The following SOX9 variants were observed in gnomAD, a reference collection of about 807,000 sequenced individuals.
SOX9 encodes transcription factor SOX-9.
Under a neutral mutation model 44.8 loss-of-function variants are expected in SOX9, and 2 were observed. The observed-to-expected ratio is 0.04, with a 90% CI of 0.02 to 0.14. SOX9 has a LOEUF of 0.14. Ranked by LOEUF, SOX9 falls within the 10% of genes least tolerant of loss-of-function variation. The pLI, the probability that SOX9 is intolerant of heterozygous loss-of-function variation, is 1.00. For synonymous variants in SOX9, 381 were observed against 331.8 expected (o/e 1.15, Z -1.61); for missense variants, 583 against 728.6 (o/e 0.80, Z 2.30).
intron 1 of SOX9, 142 bp from the exon 2 acceptor site, chr17:72,122,577 G>A (rs1908133146): frequency 1.4e-6 from 1 of 699,192 alleles, no homozygotes; most frequent in East Asian, 2.7e-5. Flanking sequence ...TGTGGTTGCA[G>A]GCAGGAGGGA....
chr17:72,125,013 A>G lies in SOX9; in HGVS notation c.*626A>G, dbSNP rs1055847429. 4.9e-5 allele frequency: 11 copies of G among 226,602 alleles called. No homozygotes were observed. The highest frequency in any genetic ancestry group is 8.8e-5 in the Non-Finnish European group (10 of 113,576). 14.0% of individuals were successfully genotyped at this position (226,602 alleles called of 1,614,324 possible). The stretch of plus-strand genomic sequence containing the variant: ...TTGCTTTCTCTTACAAAAAGAAAAA[A>G]AAAATCCTGTTGTATTAACATTTAA... On this transcript the variant is annotated 3_prime_UTR_variant, in exon 3 of 3. Transcript: ENST00000245479.
intron 1 of SOX9, among the ~76,000 whole-genome samples, chr17:72,122,505 G>T (rs1158006311): frequency 2.0e-5 from 3 of 151,694 alleles, no homozygotes; most frequent in Non-Finnish European, 4.4e-5. Context: ...GGCGGGGAGT[G>T]ACCGCTCAGG....
At position 72,121,715 on chromosome 17, in the gene SOX9, C is replaced by T. The variant is rs2143239936; in HGVS notation, c.324C>T (p.Pro108=). 1 of 1,605,780 alleles carries T rather than the reference C, an allele frequency of 6.2e-7. No individual in the cohort carries two copies. The highest frequency in any genetic ancestry group is 1.1e-5 in the South Asian group (1 of 89,672). Residue 108 remains proline (P), a synonymous_variant, in exon 1 of 3, where the codon CCC becomes CCT. Coordinates refer to ENST00000245479, the MANE Select transcript of SOX9 (RefSeq NM_000346.4). The surrounding 1 kb of genome is among the most constrained non-coding windows in gnomAD (Gnocchi z 8.3). ...AGAACAAGCCGCACGTCAAGCGGCCCATGAACGCCTTCATGGTGTGGGCGC... is the reference window on the plus strand; with the variant it reads ...AGAACAAGCCGCACGTCAAGCGGCCTATGAACGCCTTCATGGTGTGGGCGC... ...SSKNKPHVKR[P]MNAFMVWAQA... is the part of the protein sequence containing the mutation.
In SOX9 at chr17:72,124,489, GT is replaced by G. The variant is rs1440076532; in HGVS notation, c.*109del. 4 of 1,432,888 alleles carry G rather than the reference GT, an allele frequency of 2.8e-6. No homozygotes were observed. The highest frequency in any genetic ancestry group is 1.4e-5 in the African/African-American group (1 of 71,548). 88.8% of individuals were successfully genotyped at this position (1,432,888 alleles called of 1,614,324 possible). A position where few individuals can be genotyped will look rare whatever the true frequency, so the allele number is the denominator to read the frequency against. Reference sequence around the variant, plus strand: ...TCCCTTTGGACATTTGTGTTTTTTTGTTTTTTTATTTTGTTTTGTTTTTTCT... The same window carrying G: ...TCCCTTTGGACATTTGTGTTTTTTTGTTTTTTATTTTGTTTTGTTTTTTCT... On this transcript the variant is annotated 3_prime_UTR_variant, in exon 3 of 3. Transcript: ENST00000245479. The surrounding 1 kb of genome is among the most constrained non-coding windows in gnomAD (Gnocchi z 4.6).
At position 72,124,721 on chromosome 17, in the gene SOX9, C is replaced by T. The variant is rs533607724; in HGVS notation, c.*334C>T. ...GCAAGCGTGGAGGATGATGGAGAATCGTGTGATCAGTGTGCTAAATCTCTC... is the reference window on the plus strand; with the variant it reads ...GCAAGCGTGGAGGATGATGGAGAATTGTGTGATCAGTGTGCTAAATCTCTC... On this transcript the variant is annotated 3_prime_UTR_variant, in exon 3 of 3. Transcript: ENST00000245479. The surrounding 1 kb of genome is among the most constrained non-coding windows in gnomAD (Gnocchi z 4.6). 6.3e-6 allele frequency: 3 copies of T among 474,870 alleles called. No homozygotes were observed. Among genetic ancestry groups the T allele is most frequent in the African/African-American group, 1.9e-5 (1 of 52,034 alleles). 29.4% of individuals were successfully genotyped at this position (474,870 alleles called of 1,614,324 possible).
In SOX9 at chr17:72,123,897, AGCAGCCCCC is replaced by A; in HGVS notation, c.1041_1049del (p.Pro349_Gln351del). ...CAGCAGGCGCCGCCGCCACCCCCGC[AGCAGCCCCC>A]ACAGGCCCCGCCGGCCCCGCAGGCG... is the stretch of plus-strand genomic sequence containing the variant. On this transcript the variant is annotated inframe_deletion, in exon 3 of 3. Coordinates refer to ENST00000245479, the MANE Select transcript of SOX9 (RefSeq NM_000346.4). This position sits in a 1 kb window ranked among gnomAD's most constrained non-coding sequence, Gnocchi z 6.5. The A allele has an allele frequency of 6.8e-7, 1 of 1,462,352 alleles. No homozygotes were observed. Among genetic ancestry groups the A allele is most frequent in the Non-Finnish European group, 9.0e-7 (1 of 1,109,700 alleles). The allele number at this position is 1,462,352 out of a possible 1,614,324, so 90.6% of individuals were successfully genotyped here.
rs1308114657 is a variant in SOX9 at position 72,121,101 on chromosome 17, C to A, written c.-291C>A. On this transcript the variant is annotated 5_prime_UTR_variant, in exon 1 of 3. Transcript: ENST00000245479. This position sits in a 1 kb window ranked among gnomAD's most constrained non-coding sequence, Gnocchi z 8.3. Reference sequence around the variant, plus strand: ...GCCAGTTTCAACCCCGGAAACTTTTCTTTGCAGGAGGAGAAGAGAAGGGGT... The same window carrying A: ...GCCAGTTTCAACCCCGGAAACTTTTATTTGCAGGAGGAGAAGAGAAGGGGT... The A allele has an allele frequency of 1.8e-6, 1 of 545,162 alleles. No individual in the cohort carries two copies. The highest frequency in any genetic ancestry group is 2.0e-5 in the African/African-American group (1 of 49,598). 33.8% of individuals were successfully genotyped at this position (545,162 alleles called of 1,614,324 possible).
rs1207975420 is a variant in SOX9, at chr17:72,123,165, C to A, written c.685+193C>A. Among the ~76,000 whole-genome samples, 1 of 152,246 alleles carries A rather than the reference C, an allele frequency of 6.6e-6. No homozygotes were observed. Among genetic ancestry groups the A allele is most frequent in the East Asian group, 1.9e-4 (1 of 5,198 alleles). On this transcript the variant is annotated intron_variant, in intron 2 of 2. Transcript: ENST00000245479. The surrounding 1 kb of genome is among the most constrained non-coding windows in gnomAD (Gnocchi z 6.5). The stretch of plus-strand genomic sequence containing the variant: ...CAAACAACACACACACAAACACACA[C>A]ACCCCAACTCAATCCCAGCATCCGA...
rs2143239197 is a variant in SOX9 at position 72,121,661 on chromosome 17, C to T, written c.270C>T (p.Pro90=). The change falls in exon 1 of 3, where the codon CCC becomes CCT. Residue 90 remains proline (P), a synonymous_variant. Coordinates refer to ENST00000245479, the MANE Select transcript of SOX9 (RefSeq NM_000346.4). This position sits in a 1 kb window ranked among gnomAD's most constrained non-coding sequence, Gnocchi z 8.3. ...VLKGYDWTLV[P]MPVRVNGSSK... is the part of the protein sequence containing the mutation. Reference sequence around the variant, plus strand: ...AAGGCTACGACTGGACGCTGGTGCCCATGCCGGTGCGCGTCAACGGCTCCA... The same window carrying T: ...AAGGCTACGACTGGACGCTGGTGCCTATGCCGGTGCGCGTCAACGGCTCCA... The T allele has an allele frequency of 6.3e-7, 1 of 1,599,748 alleles. No homozygotes were observed. The highest frequency in any genetic ancestry group is 8.5e-7 in the Non-Finnish European group (1 of 1,173,714).
rs1908173777 is a variant in SOX9 at position 72,123,491 on chromosome 17, G to A, written c.686-52G>A. On this transcript the variant is annotated intron_variant, in intron 2 of 2. Coordinates refer to ENST00000245479, the MANE Select transcript of SOX9 (RefSeq NM_000346.4). This position sits in a 1 kb window ranked among gnomAD's most constrained non-coding sequence, Gnocchi z 6.5. ...CCCGGAGGGTGCCTAAGACTAGGGC[G>A]TCTGCACAGCCCTTGTTGATTTTCT... 2 of 1,611,924 alleles carry A rather than the reference G, an allele frequency of 1.2e-6. No individual in the cohort carries two copies. The highest frequency in any genetic ancestry group is 1.7e-6 in the Non-Finnish European group (2 of 1,178,780).
chr17:72,125,135 A>C lies in SOX9; in HGVS notation c.*748A>C, dbSNP rs1598177443. On this transcript the variant is annotated 3_prime_UTR_variant, in exon 3 of 3. Transcript: ENST00000245479. ...GAGGAGCTGCCTTAAAAAAAAATAA[A>C]GGCCTTATTTTGCAATTATGGGAGT... 1 of 226,916 alleles carries C rather than the reference A, an allele frequency of 4.4e-6. No homozygotes were observed. Among genetic ancestry groups the C allele is most frequent in the African/African-American group, 2.2e-5 (1 of 45,070 alleles). The allele number at this position is 226,916 out of a possible 1,614,324, so 14.1% of individuals were successfully genotyped here.
In SOX9 at chr17:72,122,882, T is replaced by C. The variant is rs1292551352; in HGVS notation, c.595T>C (p.Ser199Pro). 2 of 1,613,872 alleles carry C rather than the reference T, an allele frequency of 1.2e-6. No homozygotes were observed. Among genetic ancestry groups the C allele is most frequent in the South Asian group, 1.1e-5 (1 of 91,066 alleles). ...GGAGGCCACGGAGCAGACGCACATCTCCCCCAACGCCATCTTCAAGGCGCT... is the reference window on the plus strand; with the variant it reads ...GGAGGCCACGGAGCAGACGCACATCCCCCCCAACGCCATCTTCAAGGCGCT... Reference protein sequence around the residue: ...AEEATEQTHISPNAIFKALQA... With the variant: ...AEEATEQTHIPPNAIFKALQA... The change falls in exon 2 of 3, where the codon TCC becomes CCC. Residue 199 changes from serine to proline, a missense_variant. By Grantham distance (74) the Ser-to-Pro change is moderately conservative. Transcript: ENST00000245479.
rs1196485591 is a variant in SOX9, at chr17:72,123,642, G to T, written c.785G>T (p.Gly262Val). ...LKREGRPLPEGGRQPPIDFRD... is the reference protein window; with the variant it reads ...LKREGRPLPEVGRQPPIDFRD... The stretch of plus-strand genomic sequence containing the variant: ...CGAGAGGGGCGCCCCTTGCCAGAGG[G>T]GGGCAGACAGCCCCCTATCGACTTC... Residue 262 changes from glycine (G) to valine (V), a missense_variant, in exon 3 of 3, where the codon GGG becomes GTG. By Grantham distance (109) the Gly-to-Val change is moderately radical (BLOSUM62 -3). Around this residue, in one of 7 missense-constraint regions of SOX9, gnomAD observed 349 missense variants for 387.0 expected, o/e 0.90. Coordinates refer to ENST00000245479, the MANE Select transcript of SOX9 (RefSeq NM_000346.4). The surrounding 1 kb of genome is among the most constrained non-coding windows in gnomAD (Gnocchi z 6.5). 3 of 1,614,136 alleles carry T rather than the reference G, an allele frequency of 1.9e-6. No individual in the cohort carries two copies. Among genetic ancestry groups the T allele is most frequent in the Non-Finnish European group, 2.5e-6 (3 of 1,180,008 alleles).
At position 72,126,112 on chromosome 17, in the gene SOX9, T is replaced by C. The variant is rs1162116172; in HGVS notation, c.*1725T>C. On this transcript the variant is annotated 3_prime_UTR_variant, in exon 3 of 3. Transcript: ENST00000245479. ...TTTTTTTTTTATTTAAAAAAAGATA[T>C]ATTAACAGTTTTAGAAGTCAGTAGA... is the stretch of plus-strand genomic sequence containing the variant. 1 of 232,346 alleles carries C rather than the reference T, an allele frequency of 4.3e-6. No homozygotes were observed. Among genetic ancestry groups the C allele is most frequent in the African/African-American group, 2.2e-5 (1 of 45,260 alleles). 14.4% of individuals were successfully genotyped at this position (232,346 alleles called of 1,614,324 possible).
At position 72,123,859 on chromosome 17, in the gene SOX9, G is replaced by C. The variant is rs770996919; in HGVS notation, c.1002G>C (p.Val334=). The C allele has an allele frequency of 1.9e-6, 3 of 1,579,594 alleles. No individual in the cohort carries two copies. The South Asian group carries it at 3.4e-5, about 18-fold the overall frequency. The part of the protein sequence containing the change: ...TAATPASAGH[V]WMSKQQAPPP... ...CCACCCCGGCGAGCGCGGGCCACGT[G>C]TGGATGTCCAAGCAGCAGGCGCCGC... The change falls in exon 3 of 3, where the codon GTG becomes GTC. Residue 334 remains valine (V), a synonymous_variant. Coordinates refer to ENST00000245479, the MANE Select transcript of SOX9 (RefSeq NM_000346.4). This position sits in a 1 kb window ranked among gnomAD's most constrained non-coding sequence, Gnocchi z 6.5.
rs2143254271 is a variant in SOX9 at position 72,123,965 on chromosome 17, C to A, written c.1108C>A (p.Pro370Thr). The part of the protein sequence containing the change: ...PQPQAAPPQQ[P>T]AAPPQQPQAH... ...GCCGCAGGCGGCGCCCCCACAGCAGCCGGCGGCACCCCCGCAGCAGCCACA... is the reference window on the plus strand; with the variant it reads ...GCCGCAGGCGGCGCCCCCACAGCAGACGGCGGCACCCCCGCAGCAGCCACA... The change falls in exon 3 of 3, where the codon CCG becomes ACG. Residue 370 changes from proline to threonine, a missense_variant. By Grantham distance (38) the Pro-to-Thr change is conservative. Around this residue, in one of 7 missense-constraint regions of SOX9, gnomAD observed 349 missense variants for 387.0 expected, o/e 0.90. Transcript: ENST00000245479. The surrounding 1 kb of genome is among the most constrained non-coding windows in gnomAD (Gnocchi z 6.5). 5 of 1,468,886 alleles carry A rather than the reference C, an allele frequency of 3.4e-6. No homozygotes were observed. The South Asian group carries it at 6.0e-5, about 18-fold the overall frequency. 91.0% of individuals were successfully genotyped at this position (1,468,886 alleles called of 1,614,324 possible).
intron 1 of SOX9, among the ~76,000 whole-genome samples, chr17:72,122,075 G>A (rs1328561097): frequency 6.6e-6 from 1 of 152,202 alleles, no homozygotes; most frequent in African/African-American, 2.4e-5. Flanking sequence ...GAGGATGGAC[G>A]AAGACTGGTG....
At position 72,121,291 on chromosome 17, in the gene SOX9, C is replaced by A; in HGVS notation, c.-101C>A. 8.9e-7 allele frequency: 1 copy of A among 1,117,604 alleles called. No homozygotes were observed. The highest frequency in any genetic ancestry group is 1.3e-6 in the Non-Finnish European group (1 of 755,620). The allele number at this position is 1,117,604 out of a possible 1,614,324, so 69.2% of individuals were successfully genotyped here. A position where few individuals can be genotyped will look rare whatever the true frequency, so the allele number is the denominator to read the frequency against. On this transcript the variant is annotated 5_prime_UTR_variant, in exon 1 of 3. Coordinates refer to ENST00000245479, the MANE Select transcript of SOX9 (RefSeq NM_000346.4). The surrounding 1 kb of genome is among the most constrained non-coding windows in gnomAD (Gnocchi z 8.3). ...GCTTCCCCGGGAGCCGCTTGCTCCG[C>A]ATCCGGGCAGCCGAGGGGAGAGGAG...
At position 72,121,886 on chromosome 17, in the gene SOX9, G is replaced by T; in HGVS notation, c.431+64G>T. ...GCGGCGGCTGGGGGCGCTGGTCAGG[G>T]CTGATTTGCCCCGCCCCGCCTCCCA... On this transcript the variant is annotated intron_variant, in intron 1 of 2. Coordinates refer to ENST00000245479, the MANE Select transcript of SOX9 (RefSeq NM_000346.4). The surrounding 1 kb of genome is among the most constrained non-coding windows in gnomAD (Gnocchi z 8.3). The T allele has an allele frequency of 2.0e-6, 3 of 1,467,380 alleles. No homozygotes were observed. The highest frequency in any genetic ancestry group is 2.7e-6 in the Non-Finnish European group (3 of 1,110,658). 90.9% of individuals were successfully genotyped at this position (1,467,380 alleles called of 1,614,324 possible). A position where few individuals can be genotyped will look rare whatever the true frequency, so the allele number is the denominator to read the frequency against.
Sources: allele counts gnomAD v4.1 joint callset (sites outside exome capture counted in the v4.1 genomes callset), GRCh38; gene constraint gnomAD v4.1.1; regional missense constraint gnomAD v4.1.1; non-coding constraint Gnocchi (gnomAD v3.1); transcripts MANE v1.5; gene names NCBI Gene and HGNC (gene_info 2026-07-23, HGNC 2026-07-21).